Variants in CA10 observed in about 807,000 individuals in gnomAD.
CA10 encodes the protein carbonic anhydrase 10 (inactive).
In CA10, 14 loss-of-function variants were observed where a neutral mutation model predicts 44.2. The observed-to-expected ratio is 0.32, with a 90% CI of 0.21 to 0.50. CA10 has a LOEUF of 0.50. Among genes scored for constraint, CA10 ranks in the 20% least tolerant of loss-of-function variants. CA10 has a pLI of 0.99. For missense variants in CA10, 350 were observed against 409.7 expected (o/e 0.85, Z 1.26); for synonymous variants, 159 against 141.6 (o/e 1.12, Z -0.87).
At chr17:52,136,876 C>A (rs1309108944) in intron 1 of CA10, among the ~76,000 whole-genome samples, 1 of 151,928 alleles carries the variant, frequency 6.6e-6, no homozygotes, top group Non-Finnish European at 1.5e-5. Context: ...AATTTTGCAC[C>A]TAGATTAGTG....
chr17:51,919,970 T>C (rs1339309763), intron 3 of CA10, among the ~76,000 whole-genome samples: 1 of 152,198 alleles, frequency 6.6e-6, no homozygotes, highest in Non-Finnish European at 1.5e-5. Context: ...GTTAGTTTTA[T>C]CTGTGGGATT....
At chr17:51,639,194 T>C (rs939024969) in intron 6 of CA10, among the ~76,000 whole-genome samples, 1 of 152,148 alleles carries the variant, frequency 6.6e-6, no homozygotes, top group African/African-American at 2.4e-5. Context: ...GAAGGAAGCA[T>C]TCAGCACATT....
chr17:52,097,142 C>T (rs971641833), intron 1 of CA10, among the ~76,000 whole-genome samples: 14 of 151,780 alleles, frequency 9.2e-5, no homozygotes, highest in Admixed American at 3.3e-4. Flanking sequence ...TGCTGAGAAG[C>T]AGGATTGCTT....
intron 2 of CA10, among the ~76,000 whole-genome samples, chr17:51,985,269 T>C (rs1984793062): frequency 6.6e-6 from 1 of 151,980 alleles, no homozygotes; most frequent in Non-Finnish European, 1.5e-5. Flanking sequence ...AAAGACTACA[T>C]GATCATCTTA....
chr17:52,090,350 C>A (rs7213800), intron 1 of CA10, among the ~76,000 whole-genome samples: 1 of 152,058 alleles, frequency 6.6e-6, no homozygotes. Flanking sequence ...GACTTACTTG[C>A]AGAGATATCA....
At chr17:51,814,910 C>T (rs1359833974) in intron 3 of CA10, among the ~76,000 whole-genome samples, 1 of 152,146 alleles carries the variant, frequency 6.6e-6, no homozygotes, top group Non-Finnish European at 1.5e-5. Flanking sequence ...GTGTAGCTGG[C>T]CCAGATTCTC....
At chr17:51,828,083 C>T (rs1165458506) in intron 3 of CA10, among the ~76,000 whole-genome samples, 1 of 152,130 alleles carries the variant, frequency 6.6e-6, no homozygotes, top group African/African-American at 2.4e-5. Context: ...TTAGAGTGAG[C>T]AAGAAATAAA....
At chr17:52,156,954 C>G (rs1381465213) in intron 1 of CA10, among the ~76,000 whole-genome samples, 1 of 152,176 alleles carries the variant, frequency 6.6e-6, no homozygotes, top group African/African-American at 2.4e-5. Context: ...AAAACCAGAA[C>G]TCGTCCTAAC....
chr17:51,759,181 G>A (rs2073510283), intron 3 of CA10, among the ~76,000 whole-genome samples: 1 of 151,954 alleles, frequency 6.6e-6, no homozygotes, highest in Non-Finnish European at 1.5e-5. Flanking sequence ...TTAGTGAGTG[G>A]CTGGAGTCTT....
chr17:51,869,764 A>G (rs560765912), intron 3 of CA10, among the ~76,000 whole-genome samples: 5 of 152,274 alleles, frequency 3.3e-5, no homozygotes, highest in African/African-American at 1.2e-4. Flanking sequence ...TAGTAATATA[A>G]AAAAGCAGTT....
At chr17:52,023,957 T>A (rs1055565573) in intron 2 of CA10, among the ~76,000 whole-genome samples, 6 of 152,170 alleles carry the variant, frequency 3.9e-5, no homozygotes, top group African/African-American at 1.4e-4. Context: ...AGTTTTATTT[T>A]ATTTTATTCT....
chr17:51,778,548 A>G (rs895479133), intron 3 of CA10, among the ~76,000 whole-genome samples: 1 of 152,230 alleles, frequency 6.6e-6, no homozygotes, highest in African/African-American at 2.4e-5. Context: ...ATTAACTTAG[A>G]TGGGATTGCA....
intron 3 of CA10, among the ~76,000 whole-genome samples, chr17:51,777,533 G>A (rs150093160): frequency 5.9e-5 from 9 of 152,272 alleles, no homozygotes; most frequent in Middle Eastern, 3.4e-3. Context: ...CCAATCCCCT[G>A]TGTATACTGA....
At chr17:51,759,355 GCTC>G (rs1489311061) in intron 3 of CA10, among the ~76,000 whole-genome samples, 74 of 94,462 alleles carry the variant, frequency 7.8e-4, no homozygotes, top group African/African-American at 3.1e-3. Flanking sequence ...ACACTTCTTT[GCTC>G]TGTGTGTGTG....
intron 1 of CA10, among the ~76,000 whole-genome samples, chr17:52,103,583 A>G (rs776372149): frequency 6.6e-6 from 1 of 152,040 alleles, no homozygotes; most frequent in Non-Finnish European, 1.5e-5. Flanking sequence ...GGGAAACTCA[A>G]CATTTGCTAG....
At chr17:51,641,582 T>C (rs1281371063) in intron 6 of CA10, among the ~76,000 whole-genome samples, 1 of 152,336 alleles carries the variant, frequency 6.6e-6, no homozygotes, top group African/African-American at 2.4e-5. Flanking sequence ...CCCAATTTTA[T>C]TATTTCAAAT....
At chr17:51,753,185 C>T (rs926510538) in intron 3 of CA10, among the ~76,000 whole-genome samples, 5 of 152,076 alleles carry the variant, frequency 3.3e-5, no homozygotes, top group Admixed American at 6.5e-5. Flanking sequence ...GTTGGAGCTA[C>T]GTATATTGAG....
At chr17:51,843,770 T>C (rs1476572821) in intron 3 of CA10, among the ~76,000 whole-genome samples, 2 of 152,214 alleles carry the variant, frequency 1.3e-5, no homozygotes, top group African/African-American at 4.8e-5. Context: ...GATAGAAGCG[T>C]AGCTGTAGAA....
At chr17:51,904,094 T>C (rs1330977188) in intron 3 of CA10, among the ~76,000 whole-genome samples, 2 of 151,770 alleles carry the variant, frequency 1.3e-5, no homozygotes, top group African/African-American at 4.8e-5. Context: ...CCACCCTGTT[T>C]GCTCAGGATG....
Sources: gnomAD v4.1 joint callset for allele counts (sites outside exome capture counted in the v4.1 genomes callset) on GRCh38, gnomAD v4.1.1 for gene constraint, MANE v1.5 for transcripts, NCBI Gene and HGNC (gene_info 2026-07-23, HGNC 2026-07-21) for gene names.